Variants in ELL observed in about 807,000 individuals in gnomAD.
ELL encodes the protein elongation factor for RNA polymerase II.
A neutral mutation model predicts 64.0 loss-of-function variants in ELL; 18 were observed. That is an observed-to-expected ratio of 0.28 (90% CI 0.19 to 0.42). The LOEUF (loss-of-function observed/expected upper bound fraction) is 0.42, where lower values mean the gene tolerates loss of function less well. Among genes scored for constraint, ELL ranks in the 10% least tolerant of loss-of-function variants. The pLI, the probability that ELL is intolerant of heterozygous loss-of-function variation, is 1.00. For missense variants in ELL, 797 were observed against 870.4 expected (o/e 0.92, Z 1.06); for synonymous variants, 399 against 376.2 (o/e 1.06, Z -0.70).
At chr19:18,467,810 C>G (rs1158596032) in intron 2 of ELL, among the ~76,000 whole-genome samples, 28 of 99,178 alleles carry the variant, frequency 2.8e-4, no homozygotes, top group African/African-American at 1.3e-3. Context: ...TCCCCCCACA[C>G]ACACAAACAC....
Position 18,443,536 on chromosome 19 carries a change from T to C in ELL, c.*1216A>G, listed in dbSNP as rs1974338585. On this transcript the variant is annotated 3_prime_UTR_variant, in exon 12 of 12. Transcript: ENST00000262809. ...AGTCATGGCTTCATTCAGCCCTAAA[T>C]GGGAACACACGCCTCAGACCCCACC... is the stretch of plus-strand genomic sequence containing the variant. 8.6e-6 allele frequency: 2 copies of C among 233,300 alleles called. No individual in the cohort carries two copies. The highest frequency in any genetic ancestry group is 8.5e-6 in the Non-Finnish European group (1 of 118,044). The allele number at this position is 233,300 out of a possible 1,614,324, so 14.5% of individuals were successfully genotyped here.
intron 1 of ELL, among the ~76,000 whole-genome samples, chr19:18,507,668 C>T (rs1253147539): frequency 6.6e-6 from 1 of 152,236 alleles, no homozygotes; most frequent in East Asian, 1.9e-4. Context: ...GGGGCTTCAT[C>T]CCTCCTGCTT....
At chr19:18,489,558 A>ACC (rs1015215558) in intron 1 of ELL, among the ~76,000 whole-genome samples, 1 of 152,086 alleles carries the variant, frequency 6.6e-6, no homozygotes, top group Non-Finnish European at 1.5e-5. Context: ...GGGGAATCTT[A>ACC]CCCAAGTATC....
intron 1 of ELL, among the ~76,000 whole-genome samples, chr19:18,493,690 T>C (rs552979518): frequency 9.2e-5 from 14 of 152,312 alleles, no homozygotes; most frequent in Admixed American, 2.0e-4. Flanking sequence ...CAAGGCTCAG[T>C]TGGCCCTGCC....
rs373546098 is a variant in ELL, at chr19:18,446,768, C to T, written c.1512G>A (p.Ser504=). 46 of 1,613,902 alleles carry T rather than the reference C, an allele frequency of 2.9e-5. No individual in the cohort carries two copies. In the African/African-American group the frequency reaches 4.4e-4, roughly 15 times the overall value. Residue 504 remains serine, a synonymous_variant, in exon 9 of 12, where the codon TCG becomes TCA. Transcript: ENST00000262809. The part of the protein sequence containing the change: ...CSVSSVPTST[S]ETPDYLLKYA... ...CTCACAGCAAGTAGTCAGGCGTCTCCGACGTGGACGTGGGAACACTGGAAA... is the reference window on the plus strand; with the variant it reads ...CTCACAGCAAGTAGTCAGGCGTCTCTGACGTGGACGTGGGAACACTGGAAA...
intron 6 of ELL, among the ~76,000 whole-genome samples, chr19:18,454,393 C>G (rs1168347877): frequency 6.6e-6 from 1 of 150,770 alleles, no homozygotes; most frequent in African/African-American, 2.4e-5. Flanking sequence ...CAGCTACTCG[C>G]GAGGCTGAGG....
Position 18,472,886 on chromosome 19 carries a change from T to TAAAAAAAAAAAACAAAA in ELL, c.136-5_136-4insTTTTGTTTTTTTTTTTT. 1 of 1,213,072 alleles carries TAAAAAAAAAAAACAAAA rather than the reference T, an allele frequency of 8.2e-7. No homozygotes were observed. The highest frequency in any genetic ancestry group is 1.0e-6 in the Non-Finnish European group (1 of 961,858). 75.1% of individuals were successfully genotyped at this position (1,213,072 alleles called of 1,614,324 possible). A position where few individuals can be genotyped will look rare whatever the true frequency, so the allele number is the denominator to read the frequency against. On this transcript the variant is annotated splice_region_variant and splice_polypyrimidine_tract_variant and intron_variant, in intron 1 of 11. Transcript: ENST00000262809. ...ATGGCCTCAGTGAAACAGAATCCTA[T>TAAAAAAAAAAAACAAAA]AAAAAAAAAAAAAAAAAAAAAAAGG...
At chr19:18,521,862 G>A in intron 1 of ELL, 59 bp downstream of exon 1, 2 of 1,522,194 alleles carry the variant, frequency 1.3e-6, no homozygotes, top group Non-Finnish European at 1.8e-6. Context: ...TGAGGGGAGC[G>A]CGAGGCCGGC....
At chr19:18,461,914 T>C (rs1974823888) in intron 4 of ELL, 62 bp from the exon 5 acceptor site, 1 of 1,559,058 alleles carries the variant, frequency 6.4e-7, no homozygotes, top group South Asian at 1.2e-5. Flanking sequence ...AAGCCAGTGC[T>C]GCTGACCAGG....
At position 18,450,745 on chromosome 19, in the gene ELL, A is replaced by G; in HGVS notation, c.1197T>C (p.Asp399=). The change falls in exon 8 of 12, where the codon GAT becomes GAC. Residue 399 remains aspartate, a synonymous_variant. Coordinates refer to ENST00000262809, the MANE Select transcript of ELL (RefSeq NM_006532.4). ...EPPRAHDPLA[D]VSNDLGHSGR... is the part of the protein sequence containing the mutation. ...CGCTGTGGCCCAGGTCATTGCTGAC[A>G]TCGGCCAGGGGGTCGTGGGCCCTCG... 1.9e-6 allele frequency: 3 copies of G among 1,584,042 alleles called. 1 individual carries two copies. Among genetic ancestry groups the G allele is most frequent in the Non-Finnish European group, 2.6e-6 (3 of 1,165,306 alleles).
At chr19:18,514,902 C>A (rs1318972049) in intron 1 of ELL, among the ~76,000 whole-genome samples, 1 of 152,246 alleles carries the variant, frequency 6.6e-6, no homozygotes, top group African/African-American at 2.4e-5. Context: ...GCAGCTGCTT[C>A]GAGCCCAGGG....
At chr19:18,521,362 A>G (rs1600517715) in intron 1 of ELL, among the ~76,000 whole-genome samples, 1 of 152,184 alleles carries the variant, frequency 6.6e-6, no homozygotes, top group Non-Finnish European at 1.5e-5. Flanking sequence ...CGTCAAAGCC[A>G]GCCCCCAGCT....
Position 18,451,642 on chromosome 19 carries a change from C to T in ELL, c.876G>A (p.Leu292=). The T allele has an allele frequency of 6.7e-7, 1 of 1,498,012 alleles. No individual in the cohort carries two copies. The highest frequency in any genetic ancestry group is 1.3e-5 in the South Asian group (1 of 78,598). 92.8% of individuals were successfully genotyped at this position (1,498,012 alleles called of 1,614,324 possible). The change falls in exon 7 of 12, where the codon CTG becomes CTA. Residue 292 remains leucine (L), a synonymous_variant. Transcript: ENST00000262809. The part of the protein sequence containing the change: ...QLLKRVLVRK[L]CQPQSTGSLL... ...GGCTGCCAGTGCTCTGTGGCTGGCA[C>T]AGCTTCCTGCGAAGGAGAGGCAGGG...
intron 1 of ELL, among the ~76,000 whole-genome samples, chr19:18,514,183 G>A (rs949118165): frequency 6.6e-5 from 10 of 151,996 alleles, no homozygotes; most frequent in African/African-American, 1.9e-4. Flanking sequence ...GTCTCCCTGC[G>A]GATGGTTTAT....
chr19:18,465,409 C>T lies in ELL; in HGVS notation c.469+3G>A. The T allele has an allele frequency of 2.5e-6, 4 of 1,592,136 alleles. No individual in the cohort carries two copies. Among genetic ancestry groups the T allele is most frequent in the Non-Finnish European group, 3.4e-6 (4 of 1,165,462 alleles). On this transcript the variant is annotated splice_donor_region_variant and intron_variant, in intron 4 of 11. Transcript: ENST00000262809. ...CTACAGCCCTGCCAAACCCACTGCTCACCCAGGTAGCGGCCTCCAGCCTTG... is the reference window on the plus strand; with the variant it reads ...CTACAGCCCTGCCAAACCCACTGCTTACCCAGGTAGCGGCCTCCAGCCTTG...
Position 18,450,773 on chromosome 19 carries a change from G to A in ELL, c.1169C>T (p.Pro390Leu). The A allele has an allele frequency of 6.3e-7, 1 of 1,579,598 alleles. No homozygotes were observed. The highest frequency in any genetic ancestry group is 8.6e-7 in the Non-Finnish European group (1 of 1,162,964). ...SSTHLPPRLE[P>L]PRAHDPLADV... ...GGCCAGGGGGTCGTGGGCCCTCGGG[G>A]GCTCCAGCCGCGGGGGCAGGTGAGT... The change falls in exon 8 of 12, where the codon CCC becomes CTC. Residue 390 changes from proline to leucine, a missense_variant. By Grantham distance (98) the Pro-to-Leu change is moderately conservative (BLOSUM62 -3). Coordinates refer to ENST00000262809, the MANE Select transcript of ELL (RefSeq NM_006532.4).
intron 2 of ELL, among the ~76,000 whole-genome samples, chr19:18,472,070 C>T (rs1402874068): frequency 6.6e-6 from 1 of 152,040 alleles, no homozygotes; most frequent in East Asian, 1.9e-4. Flanking sequence ...TCAAGCAATT[C>T]TCCTGCCTCA....
chr19:18,456,250 C>T (rs1367618164), intron 6 of ELL, among the ~76,000 whole-genome samples: 2 of 152,232 alleles, frequency 1.3e-5, no homozygotes, highest in African/African-American at 4.8e-5. Context: ...AGTTTTCAGC[C>T]TGCGGGGGCC....
In ELL at chr19:18,458,270, A is replaced by G. The variant is rs776956266; in HGVS notation, c.804T>C (p.Asp268=). The G allele has an allele frequency of 1.2e-6, 2 of 1,613,300 alleles. No homozygotes were observed. Among genetic ancestry groups the G allele is most frequent in the Non-Finnish European group, 1.7e-6 (2 of 1,180,020 alleles). Reference sequence around the variant, plus strand: ...AGTAGCCAGGCCAGTCCTTCTGCACATCCTTGTACATGCAGTCCTGCAGTG... The same window carrying G: ...AGTAGCCAGGCCAGTCCTTCTGCACGTCCTTGTACATGCAGTCCTGCAGTG... The part of the protein sequence containing the change: ...TCTLQDCMYK[D]VQKDWPGYSE... Residue 268 remains aspartate, a synonymous_variant, in exon 6 of 12, where the codon GAT becomes GAC. Coordinates refer to ENST00000262809, the MANE Select transcript of ELL (RefSeq NM_006532.4).
Sources: gnomAD v4.1 joint callset for allele counts (sites outside exome capture counted in the v4.1 genomes callset) on GRCh38, gnomAD v4.1.1 for gene constraint, MANE v1.5 for transcripts, NCBI Gene and HGNC (gene_info 2026-07-23, HGNC 2026-07-21) for gene names.